The following SLC12A4 variants were observed in gnomAD, a reference collection of about 807,000 sequenced individuals.
The protein encoded by SLC12A4 is solute carrier family 12 member 4.
A neutral mutation model predicts 119.2 loss-of-function variants in SLC12A4; 84 were observed. The ratio of observed to expected loss-of-function variants is 0.70; its 90% CI spans 0.59 to 0.85. The LOEUF is 0.85. Among genes scored for constraint, SLC12A4 ranks in the 40% least tolerant of loss-of-function variants. The pLI, the probability that SLC12A4 is intolerant of heterozygous loss-of-function variation, is 0.00. For synonymous variants in SLC12A4, 599 were observed against 604.6 expected (o/e 0.99, Z 0.14); for missense variants, 1,298 against 1,476.3 (o/e 0.88, Z 1.98).
intron 13 of SLC12A4, among the ~76,000 whole-genome samples, chr16:67,948,872 C>T (rs1275802475): frequency 6.6e-6 from 1 of 152,198 alleles, no homozygotes; most frequent in Non-Finnish European, 1.5e-5. Flanking sequence ...GTGCTGGCTC[C>T]AGCAGGCCTG....
chr16:67,954,148 G>A (rs1343211006), intron 6 of SLC12A4: 1 of 411,012 alleles, frequency 2.4e-6, no homozygotes, highest in Non-Finnish European at 4.9e-6. Context: ...ATGAGAAGCT[G>A]AGGCTGACAG....
intron 1 of SLC12A4, among the ~76,000 whole-genome samples, 170 bp from the exon 2 acceptor site, chr16:67,963,729 G>A (rs1388100841): frequency 6.6e-6 from 1 of 152,228 alleles, no homozygotes; most frequent in Non-Finnish European, 1.5e-5. Flanking sequence ...TGAAGGCCCA[G>A]GGATAGCCAG....
intron 3 of SLC12A4, among the ~76,000 whole-genome samples, chr16:67,961,132 C>T (rs200560722): frequency 3.3e-5 from 5 of 152,186 alleles, no homozygotes; most frequent in East Asian, 1.9e-4. Context: ...ATAAAATCTA[C>T]GAATCCATCT....
chr16:67,944,976 AACCCGGGCC>A lies in SLC12A4; in HGVS notation c.3167-54_3167-46del, dbSNP rs746240716. 3 of 1,612,108 alleles carry A rather than the reference AACCCGGGCC, an allele frequency of 1.9e-6. No individual in the cohort carries two copies. The highest frequency in any genetic ancestry group is 1.3e-5 in the African/African-American group (1 of 74,912). On this transcript the variant is annotated intron_variant, in intron 23 of 23. Transcript: ENST00000316341. This position sits in a 1 kb window ranked among gnomAD's most constrained non-coding sequence, Gnocchi z 6.6. ...GGAGGCAACAACAGAATCAACGGGC[AACCCGGGCC>A]ACCTGGGCCATGCCCACCCAGGGGT...
chr16:67,944,839 C>T lies in SLC12A4; in HGVS notation c.*1G>A. Reference sequence around the variant, plus strand: ...CTCCAGGCCACAAGATGACACTGGGCTCAGGAGTAGATGGTGATGACTTCA... The same window carrying T: ...CTCCAGGCCACAAGATGACACTGGGTTCAGGAGTAGATGGTGATGACTTCA... On this transcript the variant is annotated 3_prime_UTR_variant, in exon 24 of 24. Coordinates refer to ENST00000316341, the MANE Select transcript of SLC12A4 (RefSeq NM_005072.5). The surrounding 1 kb of genome is among the most constrained non-coding windows in gnomAD (Gnocchi z 6.6). The T allele has an allele frequency of 6.2e-7, 1 of 1,612,916 alleles. No individual in the cohort carries two copies. The highest frequency in any genetic ancestry group is 8.5e-7 in the Non-Finnish European group (1 of 1,179,954).
At chr16:67,957,420 C>CATTAAAAAA in intron 5 of SLC12A4, 10 of 278,484 alleles carry the variant, frequency 3.6e-5, no homozygotes, top group South Asian at 7.8e-5. Flanking sequence ...CCACCCACCT[C>CATTAAAAAA]GGCCTCCCAA....
At position 67,968,502 on chromosome 16, in the gene SLC12A4, C is replaced by T; in HGVS notation, c.52G>A (p.Asp18Asn). The T allele has an allele frequency of 6.3e-7, 1 of 1,585,856 alleles. No individual in the cohort carries two copies. The highest frequency in any genetic ancestry group is 8.5e-7 in the Non-Finnish European group (1 of 1,170,354). ...PVDGPRRGDY[D>N]NLEGLSWVDY... is the part of the protein sequence containing the mutation. ...ACCCAACTGAGCCCCTCGAGGTTGT[C>T]ATAGTCGCCGCGCCTCGGCCCGTCC... Residue 18 changes from aspartate to asparagine, a missense_variant, in exon 1 of 24, where the codon GAC (aspartate) becomes AAC (asparagine). Coordinates refer to ENST00000316341, the MANE Select transcript of SLC12A4 (RefSeq NM_005072.5).
At chr16:67,954,843 G>C in intron 5 of SLC12A4, 70 bp from the exon 6 acceptor site, 2 of 1,591,586 alleles carry the variant, frequency 1.3e-6, no homozygotes, top group Non-Finnish European at 1.7e-6. Context: ...CCTGTGACAA[G>C]CCTGCACAAC....
At chr16:67,954,896 T>A in intron 5 of SLC12A4, 123 bp from the exon 6 acceptor site, 1 of 1,249,438 alleles carries the variant, frequency 8.0e-7, no homozygotes, top group Non-Finnish European at 1.1e-6. Flanking sequence ...TGTGGATGAG[T>A]AGAGGGGCTG....
chr16:67,957,599 G>C, intron 5 of SLC12A4, 143 bp downstream of exon 5: 2 of 843,222 alleles, frequency 2.4e-6, no homozygotes, highest in Non-Finnish European at 3.8e-6. Flanking sequence ...AAGCTCCTAC[G>C]TGGGCACTGT....
intron 1 of SLC12A4, chr16:67,966,961 C>A (rs1468530229): frequency 5.2e-6 from 7 of 1,334,162 alleles, no homozygotes; most frequent in South Asian, 1.5e-5. Flanking sequence ...AGGCTCAGCT[C>A]TGCCTGCCCA....
chr16:67,945,414 G>A lies in SLC12A4; in HGVS notation c.2987C>T (p.Pro996Leu), dbSNP rs776635378. ...CCGGAAATTGTCAGGGGCATGGCTGGGGTCCCAGGTCTCAGTCATGTACTT... is the reference window on the plus strand; with the variant it reads ...CCGGAAATTGTCAGGGGCATGGCTGAGGTCCCAGGTCTCAGTCATGTACTT... ...RDKYMTETWDPSHAPDNFREL... is the reference protein window; with the variant it reads ...RDKYMTETWDLSHAPDNFREL... The change falls in exon 22 of 24, where the codon CCC (proline) becomes CTC (leucine). Residue 996 changes from proline to leucine, a missense_variant. Physicochemically the swap from Pro to Leu is moderately conservative, Grantham distance 98 (BLOSUM62 -3). Coordinates refer to ENST00000316341, the MANE Select transcript of SLC12A4 (RefSeq NM_005072.5). 1.2e-6 allele frequency: 2 copies of A among 1,613,998 alleles called. No individual in the cohort carries two copies. The highest frequency in any genetic ancestry group is 1.7e-6 in the Non-Finnish European group (2 of 1,179,990).
In SLC12A4 at chr16:67,951,865, C is replaced by A. The variant is rs372093952; in HGVS notation, c.1090G>T (p.Glu364Ter). 1 of 1,613,752 alleles carries A rather than the reference C, an allele frequency of 6.2e-7. No homozygotes were observed. The highest frequency in any genetic ancestry group is 8.5e-7 in the Non-Finnish European group (1 of 1,179,984). Residue 364 changes from glutamate to a stop codon, truncating the protein, a stop_gained, in exon 8 of 24, where the codon GAG becomes TAG. Transcript: ENST00000316341. LOFTEE classifies it high-confidence loss of function. This position sits in a 1 kb window ranked among gnomAD's most constrained non-coding sequence, Gnocchi z 5.2. Reference protein sequence around the residue: ...DPYFMLNNVTEIPGIPGAAAG... With the variant: ...DPYFMLNNVT ...GCTGCCCCGGGGATGCCAGGGATCT[C>A]GGTCACATTGTTGAGCATGAAGTAG...
chr16:67,968,647 G>T, upstream of SLC12A4: 1 of 1,283,636 alleles, frequency 7.8e-7, no homozygotes, highest in Non-Finnish European at 9.8e-7. Context: ...CGCCCCGCCC[G>T]CTCGCATTCC....
chr16:67,945,706 G>A (rs1299264728), intron 21 of SLC12A4, 58 bp downstream of exon 21: 16 of 1,544,838 alleles, frequency 1.0e-5, no homozygotes, highest in East Asian at 2.3e-5. Context: ...CCACCGATGC[G>A]GTCTCCAAAG....
chr16:67,961,063 C>T (rs532981156), intron 3 of SLC12A4, among the ~76,000 whole-genome samples: 5 of 152,104 alleles, frequency 3.3e-5, no homozygotes, highest in African/African-American at 1.2e-4. Flanking sequence ...TAGCCAGCCT[C>T]ACACAATGTC....
chr16:67,949,463 C>A lies in SLC12A4; in HGVS notation c.1748+337G>T, dbSNP rs1411337645. ...GAGACTCTGTCTCAAAAAAAAAAAA[C>A]AAAAACCAAAAAACAAACTAACAGA... On this transcript the variant is annotated intron_variant, in intron 13 of 23. Coordinates refer to ENST00000316341, the MANE Select transcript of SLC12A4 (RefSeq NM_005072.5). This position sits in a 1 kb window ranked among gnomAD's most constrained non-coding sequence, Gnocchi z 4.6. The A allele has an allele frequency of 3.8e-5, 7 of 182,506 alleles. No individual in the cohort carries two copies. The highest frequency in any genetic ancestry group is 1.2e-4 in the South Asian group (1 of 8,104). 11.3% of individuals were successfully genotyped at this position (182,506 alleles called of 1,614,324 possible).
intron 3 of SLC12A4, 76 bp downstream of exon 3, chr16:67,961,499 G>A: frequency 1.3e-6 from 2 of 1,564,252 alleles, no homozygotes; most frequent in Admixed American, 1.7e-5. Context: ...TCACCACCAT[G>A]TGGGGAAACA....
chr16:67,958,166 G>T (rs146220888), intron 3 of SLC12A4, 122 bp from the exon 4 acceptor site: 11 of 947,256 alleles, frequency 1.2e-5, no homozygotes, highest in Non-Finnish European at 1.6e-5. Context: ...AGAGAGTAGG[G>T]GTGACAGCTA....
Sources: allele counts gnomAD v4.1 joint callset (sites outside exome capture counted in the v4.1 genomes callset), GRCh38; gene constraint gnomAD v4.1.1; non-coding constraint Gnocchi (gnomAD v3.1); transcripts MANE v1.5; gene names NCBI Gene and HGNC (gene_info 2026-07-23, HGNC 2026-07-21).